The following LAMA4 variants were observed in gnomAD, a reference collection of about 807,000 sequenced individuals.
LAMA4 encodes the protein laminin subunit alpha-4.
In LAMA4, 127 loss-of-function variants were observed where a neutral mutation model predicts 207.1. The observed-to-expected ratio is 0.61, with a 90% CI of 0.53 to 0.71. The LOEUF (loss-of-function observed/expected upper bound fraction) is 0.71, where lower values mean the gene tolerates loss of function less well. Among genes scored for constraint, LAMA4 ranks in the 30% least tolerant of loss-of-function variants. The probability of loss-of-function intolerance (pLI) is 0.00; values close to 1 mark genes in which losing one functional copy is unlikely to be tolerated. For missense variants in LAMA4, 2,093 were observed against 2,246.5 expected, an observed-to-expected ratio of 0.93 and a Z score of 1.38; for synonymous variants, 761 against 816.0, an observed-to-expected ratio of 0.93 and a Z score of 1.15.
intron 13 of LAMA4, 41 bp from the exon 14 acceptor site, chr6:112,158,921 A>T: frequency 7.2e-7 from 1 of 1,384,370 alleles, no homozygotes; most frequent in Non-Finnish European, 1.0e-6. Context: ...AATTTAGAAG[A>T]ACTTAAAACA....
intron 2 of LAMA4, among the ~76,000 whole-genome samples, chr6:112,224,356 G>T (rs1785086386): frequency 6.6e-6 from 1 of 151,882 alleles, no homozygotes; most frequent in African/African-American, 2.4e-5. Context: ...TTTATTGTCT[G>T]CCTCCCCTTT....
At position 112,158,771 on chromosome 6, in the gene LAMA4, T is replaced by C. The variant is rs751004946; in HGVS notation, c.1778A>G (p.His593Arg). Reference protein sequence around the residue: ...SHDLVQEAIDHAQDLQQEANE... With the variant: ...SHDLVQEAIDRAQDLQQEANE... ...AGCTTCTTGTTGAAGGTCCTGTGCA[T>C]GGTCAATAGCTTCTTGGACTAAATC... Residue 593 changes from histidine (H) to arginine (R), a missense_variant, in exon 14 of 39, where the codon CAT becomes CGT. Physicochemically the swap from His to Arg is conservative, Grantham distance 29 (BLOSUM62 0). Around this residue, in one of 3 missense-constraint regions of LAMA4, gnomAD observed 1,704 missense variants for 1,788.4 expected, o/e 0.95. Coordinates refer to ENST00000230538, the MANE Select transcript of LAMA4 (RefSeq NM_001105206.3). 1.9e-5 allele frequency: 30 copies of C among 1,613,828 alleles called. No individual in the cohort carries two copies. The highest frequency in any genetic ancestry group is 2.3e-5 in the Non-Finnish European group (27 of 1,179,826).
chr6:112,155,176 A>G, intron 15 of LAMA4: 1 of 602,536 alleles, frequency 1.7e-6, no homozygotes. Context: ...CCTAGAACAA[A>G]GCCCTGGCCA....
rs1781962457 is a variant in LAMA4 at position 112,175,375 on chromosome 6, C to T, written c.1295G>A (p.Ser432Asn). 1 of 1,614,196 alleles carries T rather than the reference C, an allele frequency of 6.2e-7. No homozygotes were observed. Among genetic ancestry groups the T allele is most frequent in the Non-Finnish European group, 8.5e-7 (1 of 1,180,018 alleles). ...CCGTTGGGTGAAAAATGGTTGACGG[C>T]TTCTAATCTCTTCAAGCATCTTCTG... ...LAQKMLEEIR[S>N]RQPFFTQREL... The change falls in exon 11 of 39, where the codon AGC becomes AAC. Residue 432 changes from serine (S) to asparagine (N), a missense_variant. Around this residue, in one of 3 missense-constraint regions of LAMA4, gnomAD observed 1,704 missense variants for 1,788.4 expected, o/e 0.95. Coordinates refer to ENST00000230538, the MANE Select transcript of LAMA4 (RefSeq NM_001105206.3).
rs565488236 is a variant in LAMA4, at chr6:112,132,087, G to T, written c.3834+666C>A. ...ATTGCATACAAACAGGGACTCTTGAGAATTTTTGTGCCAGAAACACCTTTG... is the reference window on the plus strand; with the variant it reads ...ATTGCATACAAACAGGGACTCTTGATAATTTTTGTGCCAGAAACACCTTTG... On this transcript the variant is annotated intron_variant, in intron 28 of 38. Transcript: ENST00000230538. 5.3e-5 allele frequency among the ~76,000 whole-genome samples: 8 copies of T among 152,216 alleles called. No homozygotes were observed. The South Asian group carries it at 1.7e-3, about 32-fold the overall frequency.
chr6:112,198,750 C>T (rs1783564323), intron 5 of LAMA4, among the ~76,000 whole-genome samples: 1 of 152,124 alleles, frequency 6.6e-6, no homozygotes, highest in African/African-American at 2.4e-5. Flanking sequence ...CAACGTGTCC[C>T]AGGAACACAA....
rs782174781 is a variant in LAMA4 at position 112,115,945 on chromosome 6, C to G, written c.5030G>C (p.Arg1677Pro). The G allele has an allele frequency of 6.2e-7, 1 of 1,613,116 alleles. No homozygotes were observed. The highest frequency in any genetic ancestry group is 1.1e-5 in the South Asian group (1 of 91,066). ...GLKFEIAFEV[R>P]PRSSSGTLVH... ...CAGGGTTCCGGAACTGCTTCTGGGACGGACTTCAAATGCAATTTCAAACTT... is the reference window on the plus strand; with the variant it reads ...CAGGGTTCCGGAACTGCTTCTGGGAGGGACTTCAAATGCAATTTCAAACTT... Residue 1677 changes from arginine (R) to proline (P), a missense_variant, in exon 36 of 39, where the codon CGT becomes CCT. This residue lies in a region of LAMA4 where 383 missense variants were observed against 437.8 expected (regional missense o/e 0.87). Transcript: ENST00000230538.
Position 112,150,594 on chromosome 6 carries a change from C to T in LAMA4, c.2090G>A (p.Arg697His), listed in dbSNP as rs397516723. 76 of 1,613,922 alleles carry T rather than the reference C, an allele frequency of 4.7e-5. No homozygotes were observed. Among genetic ancestry groups the T allele is most frequent in the Admixed American group, 1.2e-4 (7 of 59,996 alleles). Residue 697 changes from arginine to histidine, a missense_variant, in exon 17 of 39, where the codon CGT becomes CAT. Transcript: ENST00000230538. The stretch of plus-strand genomic sequence containing the variant: ...TTTCCTTGCTAGGGCTCCACCCACA[C>T]GCCTGCTAGTGTCAGCCACTGCTTC... ...SDEAVADTSR[R>H]VGGALARKSA...
At chr6:112,136,057 G>C in intron 25 of LAMA4, 66 bp downstream of exon 25, 5 of 1,426,696 alleles carry the variant, frequency 3.5e-6, no homozygotes, top group Non-Finnish European at 3.9e-6. Flanking sequence ...TTGACTGCCT[G>C]ATTAGATCAA....
intron 9 of LAMA4, among the ~76,000 whole-genome samples, chr6:112,180,852 A>G (rs970200120): frequency 7.2e-5 from 11 of 152,256 alleles, no homozygotes; most frequent in African/African-American, 2.7e-4. Flanking sequence ...GAATTTGTAC[A>G]GTAATATCTA....
rs1192647320 is a variant in LAMA4 at position 112,155,872 on chromosome 6, A to C, written c.1818-166T>G. 1.1e-5 allele frequency: 8 copies of C among 742,770 alleles called. No homozygotes were observed. In the East Asian group the frequency reaches 2.1e-4, roughly 19 times the overall value. The allele number at this position is 742,770 out of a possible 1,614,324, so 46.0% of individuals were successfully genotyped here. ...TTCTTGAGGGTCACACCTCCTCTGCATTCTTCTGTCTTTGCTGAACAGCAT... is the reference window on the plus strand; with the variant it reads ...TTCTTGAGGGTCACACCTCCTCTGCCTTCTTCTGTCTTTGCTGAACAGCAT... On this transcript the variant is annotated intron_variant, in intron 14 of 38. Transcript: ENST00000230538.
intron 2 of LAMA4, among the ~76,000 whole-genome samples, chr6:112,227,662 A>G (rs1035879559): frequency 6.6e-6 from 1 of 152,224 alleles, no homozygotes; most frequent in South Asian, 2.1e-4. Flanking sequence ...CAGTTTAAAA[A>G]TAAGCAAAAT....
At chr6:112,252,044 C>T (rs1554189963) in intron 2 of LAMA4, among the ~76,000 whole-genome samples, 1 of 152,182 alleles carries the variant, frequency 6.6e-6, no homozygotes, top group African/African-American at 2.4e-5. Context: ...TTCTTTTAAT[C>T]TGATCATCAT....
Position 112,133,594 on chromosome 6 carries a change from T to C in LAMA4, c.3558-107A>G, listed in dbSNP as rs1389233116. 3.2e-6 allele frequency: 4 copies of C among 1,262,186 alleles called. No homozygotes were observed. The African/African-American group carries it at 4.4e-5, about 14-fold the overall frequency. 78.2% of individuals were successfully genotyped at this position (1,262,186 alleles called of 1,614,324 possible). ...TTTATAGTCATTTGTAATGGCTTTA[T>C]AATCATTCATATTCTCATGCTTTCT... On this transcript the variant is annotated intron_variant, in intron 26 of 38. Coordinates refer to ENST00000230538, the MANE Select transcript of LAMA4 (RefSeq NM_001105206.3).
At chr6:112,216,025 T>C (rs1199660799) in intron 3 of LAMA4, among the ~76,000 whole-genome samples, 1 of 152,234 alleles carries the variant, frequency 6.6e-6, no homozygotes, top group Non-Finnish European at 1.5e-5. Flanking sequence ...GCCAAACATA[T>C]GGCAAACTAT....
chr6:112,246,757 T>A (rs1786972331), intron 2 of LAMA4, among the ~76,000 whole-genome samples: 1 of 152,172 alleles, frequency 6.6e-6, no homozygotes, highest in Non-Finnish European at 1.5e-5. Context: ...CCTGACTTTG[T>A]GATCCACCCA....
At chr6:112,114,300 A>G in intron 37 of LAMA4, 105 bp from the exon 38 acceptor site, 1 of 1,153,668 alleles carries the variant, frequency 8.7e-7, no homozygotes, top group Non-Finnish European at 1.3e-6. Context: ...ATTCCAGAAT[A>G]AAACCCACAC....
Position 112,109,469 on chromosome 6 carries a change from C to A in LAMA4, c.5440G>T (p.Ala1814Ser), listed in dbSNP as rs1048588170. 2 of 1,613,990 alleles carry A rather than the reference C, an allele frequency of 1.2e-6. No homozygotes were observed. Among genetic ancestry groups the A allele is most frequent in the East Asian group, 2.2e-5 (1 of 44,874 alleles). ...GCTGGACAGGAGTTGATGCTTACGG[C>A]GCCGCTGACCAGGGCTGCTTTACTG... ...SFSKAALVSG[A>S]VSINSCPAA Residue 1814 changes from alanine (A) to serine (S), a missense_variant, in exon 39 of 39, where the codon GCC becomes TCC. By Grantham distance (99) the Ala-to-Ser change is moderately conservative. Coordinates refer to ENST00000230538, the MANE Select transcript of LAMA4 (RefSeq NM_001105206.3).
rs538442374 is a variant in LAMA4 at position 112,230,363 on chromosome 6, C to T, written c.196-13894G>A. Among the ~76,000 whole-genome samples, 3 of 152,294 alleles carry T rather than the reference C, an allele frequency of 2.0e-5. No homozygotes were observed. The East Asian group carries it at 5.8e-4, about 29-fold the overall frequency. ...TTCCTATAGTTAAGTCCTTTGGAGA[C>T]AGCCTGAGGCAGCAGAAAGTCTGAG... On this transcript the variant is annotated intron_variant, in intron 2 of 38. Transcript: ENST00000230538.
Sources: gnomAD v4.1 joint callset for allele counts (sites outside exome capture counted in the v4.1 genomes callset) on GRCh38, gnomAD v4.1.1 for gene constraint, gnomAD v4.1.1 regional missense constraint, MANE v1.5 for transcripts, NCBI Gene and HGNC (gene_info 2026-07-23, HGNC 2026-07-21) for gene names.